The following INVS variants were observed in gnomAD, a reference collection of about 807,000 sequenced individuals.
INVS encodes the protein inversion of embryo turning homolog.
INVS carries 86 observed loss-of-function variants against 108.8 expected under a neutral mutation model. The observed-to-expected ratio is 0.79, with a 90% CI of 0.66 to 0.95. The LOEUF is 0.95. Ranked by LOEUF, INVS falls within the 40% of genes least tolerant of loss-of-function variation. The pLI is 0.00. For synonymous variants in INVS, 455 were observed against 473.5 expected (o/e 0.96, Z 0.51); for missense variants, 1,169 against 1,297.4 (o/e 0.90, Z 1.52).
At chr9:100,284,839 GTTTTC>G (rs1049870489) in intron 13 of INVS, among the ~76,000 whole-genome samples, 23 of 151,072 alleles carry the variant, frequency 1.5e-4, no homozygotes, top group Non-Finnish European at 3.0e-5. Context: ...ATGGTTTTTT[GTTTTC>G]TTTTCTTTTT....
intron 5 of INVS, among the ~76,000 whole-genome samples, chr9:100,237,486 T>C (rs1300423138): frequency 6.6e-6 from 1 of 152,126 alleles, no homozygotes; most frequent in African/African-American, 2.4e-5. Flanking sequence ...GCCCTGGTGC[T>C]GTAGGCACCC....
At chr9:100,205,185 C>A (rs1796559087) in intron 3 of INVS, among the ~76,000 whole-genome samples, 1 of 152,128 alleles carries the variant, frequency 6.6e-6, no homozygotes, top group African/African-American at 2.4e-5. Context: ...GGCCACTCTG[C>A]TGGTGACCTA....
At chr9:100,204,717 C>CT (rs1047289115) in intron 3 of INVS, among the ~76,000 whole-genome samples, 1 of 151,610 alleles carries the variant, frequency 6.6e-6, no homozygotes, top group African/African-American at 2.4e-5. Context: ...TGTTTTGCTA[C>CT]TTTTTTTTAA....
chr9:100,185,375 C>T (rs1268335573), intron 3 of INVS, among the ~76,000 whole-genome samples: 1 of 151,456 alleles, frequency 6.6e-6, no homozygotes, highest in Non-Finnish European at 1.5e-5. Flanking sequence ...TCCCCACTTT[C>T]AACCAGTCAC....
At chr9:100,264,444 C>T (rs996249123) in intron 10 of INVS, among the ~76,000 whole-genome samples, 3 of 151,844 alleles carry the variant, frequency 2.0e-5, no homozygotes, top group Non-Finnish European at 2.9e-5. Context: ...ATGACAAAAC[C>T]CTGTCTCTAC....
At chr9:100,115,875 T>A (rs1469371322) in intron 2 of INVS, among the ~76,000 whole-genome samples, 2 of 152,146 alleles carry the variant, frequency 1.3e-5, no homozygotes, top group African/African-American at 2.4e-5. Flanking sequence ...CGCCACACTG[T>A]CTTCCACAAT....
At chr9:100,126,265 A>G in intron 2 of INVS, 118 bp from the exon 3 acceptor site, 1 of 812,498 alleles carries the variant, frequency 1.2e-6, no homozygotes, top group Non-Finnish European at 2.0e-6. Context: ...ACAAGTAAAA[A>G]TAAGATGATA....
At chr9:100,216,812 G>A (rs1473726500) in intron 3 of INVS, among the ~76,000 whole-genome samples, 1 of 152,148 alleles carries the variant, frequency 6.6e-6, no homozygotes, top group East Asian at 1.9e-4. Flanking sequence ...AGGAAGGTGA[G>A]CAAAAACAAA....
chr9:100,155,981 C>A (rs1828965901), intron 3 of INVS, among the ~76,000 whole-genome samples: 1 of 152,190 alleles, frequency 6.6e-6, no homozygotes, highest in Non-Finnish European at 1.5e-5. Context: ...TGAAGGATCA[C>A]CTCCATCACC....
At chr9:100,172,515 A>C (rs1433051601) in intron 3 of INVS, among the ~76,000 whole-genome samples, 1 of 152,206 alleles carries the variant, frequency 6.6e-6, no homozygotes, top group African/African-American at 2.4e-5. Flanking sequence ...CAACTTTGGA[A>C]TCTATTAATG....
Position 100,292,541 on chromosome 9 carries a change from C to A in INVS, c.2284C>A (p.Arg762=), listed in dbSNP as rs763460118. The A allele has an allele frequency of 6.2e-7, 1 of 1,614,088 alleles. No homozygotes were observed. Among genetic ancestry groups the A allele is most frequent in the South Asian group, 1.1e-5 (1 of 91,082 alleles). Residue 762 remains arginine (R), a synonymous_variant, in exon 14 of 17, where the codon CGG becomes AGG. Transcript: ENST00000262457. The part of the protein sequence containing the change: ...GPDEKGEDSR[R]AAASLPPHDS... ...TGATGAGAAAGGAGAGGACTCCAGG[C>A]GGGCAGCTGCAAGCCTTCCACCGCA...
intron 10 of INVS, among the ~76,000 whole-genome samples, chr9:100,264,484 G>A (rs528707295): frequency 2.0e-4 from 31 of 152,130 alleles, no homozygotes; most frequent in African/African-American, 7.2e-4. Context: ...TGGGCATGGC[G>A]GCGGGCACCT....
chr9:100,254,445 C>T (rs1283184364), intron 10 of INVS, among the ~76,000 whole-genome samples: 1 of 152,098 alleles, frequency 6.6e-6, no homozygotes, highest in African/African-American at 2.4e-5. Context: ...TCAATTTTGG[C>T]TTTTGTTGCC....
chr9:100,215,324 T>C (rs1280880363), intron 3 of INVS: 1 of 152,014 alleles, frequency 6.6e-6, no homozygotes, highest in Non-Finnish European at 1.5e-5. Flanking sequence ...ATAACCAGGG[T>C]TGGGCCAGGC....
intron 2 of INVS, among the ~76,000 whole-genome samples, chr9:100,109,726 C>G (rs1309889155): frequency 1.3e-5 from 2 of 152,134 alleles, no homozygotes; most frequent in Non-Finnish European, 2.9e-5. Context: ...AGTGCAATGG[C>G]GTGATCTCGG....
chr9:100,176,196 A>G (rs778575473), intron 3 of INVS: 6 of 318,598 alleles, frequency 1.9e-5, no homozygotes, highest in Non-Finnish European at 3.0e-5. Context: ...CTTTATGCCT[A>G]TCAAGTCGAT....
intron 11 of INVS, 123 bp from the exon 12 acceptor site, chr9:100,272,741 C>A (rs1036574093): frequency 4.3e-6 from 4 of 926,736 alleles, no homozygotes; most frequent in Non-Finnish European, 6.8e-6. Flanking sequence ...GTGGCTTTGC[C>A]TGGGGAATAT....
chr9:100,194,632 A>T (rs1298016855), intron 3 of INVS, among the ~76,000 whole-genome samples: 1 of 152,096 alleles, frequency 6.6e-6, no homozygotes. Flanking sequence ...ATTAGAGTAG[A>T]CATCCTTGCC....
chr9:100,286,002 A>G (rs1213464290), intron 13 of INVS, among the ~76,000 whole-genome samples: 2 of 152,220 alleles, frequency 1.3e-5, no homozygotes, highest in African/African-American at 2.4e-5. Flanking sequence ...CCCTGACCTT[A>G]TGGACTTTCT....
Sources: gnomAD v4.1 joint callset for allele counts (sites outside exome capture counted in the v4.1 genomes callset) on GRCh38, gnomAD v4.1.1 for gene constraint, MANE v1.5 for transcripts, NCBI Gene and HGNC (gene_info 2026-07-23, HGNC 2026-07-21) for gene names.